Variants in TMEM44 observed in about 807,000 individuals in gnomAD.
TMEM44 encodes transmembrane protein 44.
TMEM44 carries 43 observed loss-of-function variants against 47.8 expected under a neutral mutation model. The observed-to-expected ratio is 0.90, with a 90% confidence interval of 0.70 to 1.16. The LOEUF (loss-of-function observed/expected upper bound fraction) is 1.16. TMEM44 is among the 50% of genes most tolerant of loss of function. TMEM44 has a pLI of 0.00. For missense variants in TMEM44, 568 were observed against 555.2 expected (o/e 1.02, Z -0.23); for synonymous variants, 277 against 238.8 (o/e 1.16, Z -1.48).
intron 9 of TMEM44, among the ~76,000 whole-genome samples, chr3:194,603,309 C>T (rs1714365593): frequency 6.6e-6 from 1 of 152,214 alleles, no homozygotes; most frequent in South Asian, 2.1e-4. Flanking sequence ...ACAGGGCCCA[C>T]TTGTGTATGG....
At chr3:194,598,059 T>C (rs537645099) in intron 9 of TMEM44, among the ~76,000 whole-genome samples, 95 of 152,330 alleles carry the variant, frequency 6.2e-4, no homozygotes, top group Non-Finnish European at 1.0e-3. Flanking sequence ...AATGAATGGA[T>C]GGATCCACAG....
intron 8 of TMEM44, among the ~76,000 whole-genome samples, chr3:194,609,599 C>A (rs1055293996): frequency 6.6e-6 from 1 of 152,056 alleles, no homozygotes; most frequent in Admixed American, 6.5e-5. Flanking sequence ...AACTTCTCGT[C>A]ACCTCTTTCC....
Position 194,623,326 on chromosome 3 carries a change from G to A in TMEM44, c.526-16C>T. On this transcript the variant is annotated splice_polypyrimidine_tract_variant and intron_variant, in intron 4 of 9. Transcript: ENST00000347147. ...CAGTATTTTCCTGCAAGAACGAACA[G>A]GTGATCCACCATCAGTACTCTGCAG... is the stretch of plus-strand genomic sequence containing the variant. 2 of 1,594,422 alleles carry A rather than the reference G, an allele frequency of 1.3e-6. No individual in the cohort carries two copies. Among genetic ancestry groups the A allele is most frequent in the South Asian group, 1.1e-5 (1 of 88,142 alleles).
At chr3:194,627,615 T>C (rs1163451533) in intron 2 of TMEM44, among the ~76,000 whole-genome samples, 2 of 152,170 alleles carry the variant, frequency 1.3e-5, no homozygotes, top group Non-Finnish European at 2.9e-5. Context: ...TTTTAAGTGA[T>C]GGGGATACAG....
rs1269081725 is a variant in TMEM44, at chr3:194,623,281, C to T, written c.555G>A (p.Leu185=). ...AGGAGCCAAAGGCAGCAACGCTACC[C>T]AGCAGGTAGCCGAGGATCTCAGTAT... The part of the protein sequence containing the change: ...QENTEILGYL[L]GSVAAFGSWA... Residue 185 remains leucine, a synonymous_variant, in exon 5 of 10, where the codon CTG becomes CTA. Transcript: ENST00000347147. 9 of 1,611,312 alleles carry T rather than the reference C, an allele frequency of 5.6e-6. No individual in the cohort carries two copies. Among genetic ancestry groups the T allele is most frequent in the Non-Finnish European group, 7.6e-6 (9 of 1,178,872 alleles).
chr3:194,604,266 C>G, intron 9 of TMEM44, 21 bp downstream of exon 9: 1 of 1,570,682 alleles, frequency 6.4e-7, no homozygotes, highest in Non-Finnish European at 8.6e-7. Flanking sequence ...CGCACCCGCC[C>G]AGCAGGCAAC....
At chr3:194,608,356 G>A (rs1270814135) in intron 8 of TMEM44, among the ~76,000 whole-genome samples, 6 of 152,192 alleles carry the variant, frequency 3.9e-5, no homozygotes, top group Non-Finnish European at 8.8e-5. Flanking sequence ...AGCCTGGCAG[G>A]GGCCCTCACC....
intron 8 of TMEM44, among the ~76,000 whole-genome samples, chr3:194,604,888 G>C (rs1269894092): frequency 1.3e-5 from 2 of 152,144 alleles, no homozygotes; most frequent in South Asian, 2.1e-4. Context: ...AATCAATACT[G>C]ACTGCAGTAA....
chr3:194,593,157 C>G, intron 9 of TMEM44: 1 of 1,438,054 alleles, frequency 7.0e-7, no homozygotes. Flanking sequence ...GGACCAGCTC[C>G]TGTCTGCTCA....
At chr3:194,616,621 G>A (rs910734831) in intron 6 of TMEM44, 8 of 456,548 alleles carry the variant, frequency 1.8e-5, no homozygotes, top group Middle Eastern at 3.2e-4. Context: ...CCCTCTTAGC[G>A]CCTGCAGACG....
At chr3:194,616,907 C>CA (rs1158714091) in intron 6 of TMEM44, 192 bp downstream of exon 6, 4 of 679,468 alleles carry the variant, frequency 5.9e-6, no homozygotes, top group South Asian at 4.3e-5. Context: ...AACAAACAAA[C>CA]AAAAAAAGGA....
At chr3:194,602,056 C>T (rs1439941719) in intron 9 of TMEM44, among the ~76,000 whole-genome samples, 3 of 152,204 alleles carry the variant, frequency 2.0e-5, no homozygotes, top group East Asian at 1.9e-4. Context: ...CTTAGATCTC[C>T]GCCAAGACTG....
rs115207361 is a variant in TMEM44 at position 194,591,578 on chromosome 3, C to A, written c.1177-2939G>T. ...AACATTTAGAATCTATTTTTTCTGA[C>A]TCTCCAGAATAATGTGTTTTAAAAC... On this transcript the variant is annotated intron_variant, in intron 9 of 9. Coordinates refer to ENST00000347147, the MANE Select transcript of TMEM44 (RefSeq NM_001011655.3). 7.2e-3 allele frequency among the ~76,000 whole-genome samples: 1,101 copies of A among 152,164 alleles called. 13 individuals are homozygous for A. The highest frequency in any genetic ancestry group is 0.023 in the African/African-American group (943 of 41,514).
intron 9 of TMEM44, among the ~76,000 whole-genome samples, chr3:194,599,397 C>T (rs1713799709): frequency 1.3e-5 from 2 of 152,304 alleles, no homozygotes; most frequent in Admixed American, 6.5e-5. Context: ...CCGCCTCGCC[C>T]ACCTTCGGCC....
chr3:194,592,015 G>A (rs972017154), intron 9 of TMEM44, among the ~76,000 whole-genome samples: 9 of 152,046 alleles, frequency 5.9e-5, no homozygotes, highest in Non-Finnish European at 7.4e-5. Context: ...TCAGGAGATC[G>A]AGACCATCCT....
At position 194,588,464 on chromosome 3, in the gene TMEM44, C is replaced by T; in HGVS notation, c.*65G>A. The T allele has an allele frequency of 6.9e-7, 1 of 1,442,320 alleles. No homozygotes were observed. Among genetic ancestry groups the T allele is most frequent in the South Asian group, 1.2e-5 (1 of 86,412 alleles). 89.3% of individuals were successfully genotyped at this position (1,442,320 alleles called of 1,614,324 possible). ...CCGCGGTGTCAGTGCAGATTGATTC[C>T]CGCTGCGTTACTGAACGAACTCCTG... On this transcript the variant is annotated 3_prime_UTR_variant, in exon 10 of 10. Transcript: ENST00000347147.
In TMEM44 at chr3:194,604,381, T is replaced by C. The variant is rs2109171287; in HGVS notation, c.1082A>G (p.Gln361Arg). 1.3e-6 allele frequency: 2 copies of C among 1,554,588 alleles called. No homozygotes were observed. Among genetic ancestry groups the C allele is most frequent in the Non-Finnish European group, 1.7e-6 (2 of 1,148,632 alleles). ...GQTSAGDASL[Q>R]DPPSYPPVQV... ...AACGGGAGGGTACGACGGGGGGTCC[T>C]GCAGGGACGCATCTCCGGCGCTCGT... is the stretch of plus-strand genomic sequence containing the variant. The change falls in exon 9 of 10, where the codon CAG becomes CGG. Residue 361 changes from glutamine (Q) to arginine (R), a missense_variant. Physicochemically the swap from Gln to Arg is conservative, Grantham distance 43. Coordinates refer to ENST00000347147, the MANE Select transcript of TMEM44 (RefSeq NM_001011655.3).
intron 9 of TMEM44, among the ~76,000 whole-genome samples, chr3:194,594,609 A>T (rs1713175827): frequency 1.3e-5 from 2 of 151,882 alleles, no homozygotes; most frequent in Non-Finnish European, 2.9e-5. Context: ...TATCCTGCTG[A>T]GGGAACATAA....
intron 9 of TMEM44, among the ~76,000 whole-genome samples, chr3:194,603,994 C>T (rs927955115): frequency 1.9e-4 from 29 of 152,038 alleles, no homozygotes; most frequent in Non-Finnish European, 3.5e-4. Flanking sequence ...GCTGGGATAA[C>T]AGGTGGCCGC....
Sources: gnomAD v4.1 joint callset for allele counts (sites outside exome capture counted in the v4.1 genomes callset) on GRCh38, gnomAD v4.1.1 for gene constraint, MANE v1.5 for transcripts, NCBI Gene and HGNC (gene_info 2026-07-23, HGNC 2026-07-21) for gene names.